Variants in SHISA6 observed in about 807,000 individuals in gnomAD.
SHISA6 encodes shisa family member 6, also known as protein shisa-6.
A neutral mutation model predicts 47.9 loss-of-function variants in SHISA6; 22 were observed. The ratio of observed to expected loss-of-function variants is 0.46; its 90% confidence interval spans 0.33 to 0.66. SHISA6 has a LOEUF of 0.66. Ranked by LOEUF, SHISA6 falls within the 30% of genes least tolerant of loss-of-function variation. SHISA6 has a pLI of 0.02. For synonymous variants in SHISA6, 388 were observed against 337.8 expected, an observed-to-expected ratio of 1.15 and a Z score of -1.63; for missense variants, 680 against 764.6, an observed-to-expected ratio of 0.89 and a Z score of 1.30.
chr17:11,516,573 T>A (rs2071587656), intron 3 of SHISA6, among the ~76,000 whole-genome samples: 1 of 152,158 alleles, frequency 6.6e-6, no homozygotes, highest in Non-Finnish European at 1.5e-5. Flanking sequence ...CATGTTCCAA[T>A]CCCCATGGTG....
chr17:11,382,452 C>A (rs1362648270), intron 3 of SHISA6, among the ~76,000 whole-genome samples: 1 of 152,134 alleles, frequency 6.6e-6, no homozygotes, highest in African/African-American at 2.4e-5. Flanking sequence ...GGCAAGGAAC[C>A]ATCCTCTCTT....
At chr17:11,405,952 G>T (rs1439385614) in intron 3 of SHISA6, among the ~76,000 whole-genome samples, 1 of 152,154 alleles carries the variant, frequency 6.6e-6, no homozygotes, top group Non-Finnish European at 1.5e-5. Flanking sequence ...CCAGGCAGCT[G>T]CACTGCATAT....
At position 11,546,279 on chromosome 17, in the gene SHISA6, C is replaced by T. The variant is rs942761191; in HGVS notation, c.896-5617C>T. Among the ~76,000 whole-genome samples the T allele has an allele frequency of 4.6e-5, 7 of 152,204 alleles. 1 individual carries two copies. The highest frequency in any genetic ancestry group is 3.4e-3 in the Middle Eastern group (1 of 294). On this transcript the variant is annotated intron_variant, in intron 3 of 5. Coordinates refer to ENST00000441885, the MANE Select transcript of SHISA6 (RefSeq NM_207386.4). ...GAATTGACTTAGGTTAAGTCAAGCACTCATACTTGGTCTAGTAGCCCTGAC... is the reference window on the plus strand; with the variant it reads ...GAATTGACTTAGGTTAAGTCAAGCATTCATACTTGGTCTAGTAGCCCTGAC...
intron 2 of SHISA6, among the ~76,000 whole-genome samples, chr17:11,264,049 C>T (rs1245762614): frequency 6.6e-6 from 1 of 152,082 alleles, no homozygotes; most frequent in African/African-American, 2.4e-5. Flanking sequence ...AACAATATGC[C>T]TTTTACTTTT....
intron 3 of SHISA6, among the ~76,000 whole-genome samples, chr17:11,387,504 A>G (rs965684158): frequency 1.7e-4 from 26 of 152,144 alleles, no homozygotes; most frequent in Admixed American, 7.2e-4. Flanking sequence ...GGCACCTGCT[A>G]TATCTGACTC....
chr17:11,481,087 G>A (rs1916200913), intron 3 of SHISA6, among the ~76,000 whole-genome samples: 1 of 151,572 alleles, frequency 6.6e-6, no homozygotes, highest in Non-Finnish European at 1.5e-5. Context: ...GAGACCAGCC[G>A]GGCCAACTCA....
rs115320182 is a variant in SHISA6 at position 11,323,795 on chromosome 17, C to T, written c.800-55619C>T. ...GCCAATGACCCCTTTCCTTCCCTTACGCTCCAGGGGCCTCAGCATGGGTAT... is the reference window on the plus strand; with the variant it reads ...GCCAATGACCCCTTTCCTTCCCTTATGCTCCAGGGGCCTCAGCATGGGTAT... On this transcript the variant is annotated intron_variant, in intron 2 of 5. Transcript: ENST00000441885. Among the ~76,000 whole-genome samples, 582 of 152,126 alleles carry T rather than the reference C, an allele frequency of 3.8e-3. 4 individuals are homozygous for T. Among genetic ancestry groups the T allele is most frequent in the African/African-American group, 6.0e-3 (248 of 41,492 alleles).
At chr17:11,292,907 C>G (rs1444824232) in intron 2 of SHISA6, among the ~76,000 whole-genome samples, 1 of 150,812 alleles carries the variant, frequency 6.6e-6, no homozygotes, top group Middle Eastern at 3.3e-3. Flanking sequence ...TCATTGCAAC[C>G]TCTGCCTCCT....
At chr17:11,366,780 CAAG>C (rs942420411) in intron 2 of SHISA6, among the ~76,000 whole-genome samples, 12 of 152,102 alleles carry the variant, frequency 7.9e-5, no homozygotes, top group African/African-American at 2.9e-4. Context: ...GAAGCAATGA[CAAG>C]AAAGACTGGA....
chr17:11,295,208 C>T (rs1909705406), intron 2 of SHISA6, among the ~76,000 whole-genome samples: 1 of 152,204 alleles, frequency 6.6e-6, no homozygotes. Flanking sequence ...ATTGAAACCG[C>T]AGAAAGCAAA....
intron 3 of SHISA6, among the ~76,000 whole-genome samples, chr17:11,408,241 A>T (rs11656516): frequency 0.39 from 58,207 of 149,736 alleles, 11,416 homozygotes; most frequent in Middle Eastern, 0.46. Flanking sequence ...GAATGTAATT[A>T]AAAAAAAATA....
Position 11,276,307 on chromosome 17 carries a change from C to T in SHISA6, c.799+12781C>T, listed in dbSNP as rs780052348. 5.3e-5 allele frequency among the ~76,000 whole-genome samples: 8 copies of T among 151,926 alleles called. No individual in the cohort carries two copies. In the South Asian group the frequency reaches 6.2e-4, roughly 12 times the overall value. On this transcript the variant is annotated intron_variant, in intron 2 of 5. Coordinates refer to ENST00000441885, the MANE Select transcript of SHISA6 (RefSeq NM_207386.4). ...CTAGATTCTGGAGGGGCAAAGGTGGCGGAGGGGAGGTGGCCTAGGAAGTGG... is the reference window on the plus strand; with the variant it reads ...CTAGATTCTGGAGGGGCAAAGGTGGTGGAGGGGAGGTGGCCTAGGAAGTGG...
At chr17:11,271,632 G>C (rs1260712552) in intron 2 of SHISA6, among the ~76,000 whole-genome samples, 1 of 59,062 alleles carries the variant, frequency 1.7e-5, no homozygotes. Flanking sequence ...TTTTTTTTTT[G>C]TATTTTTAGC....
intron 3 of SHISA6, among the ~76,000 whole-genome samples, chr17:11,461,396 CAAAAAAAAAAAAA>C (rs778616587): frequency 1.3e-5 from 1 of 76,644 alleles, no homozygotes; most frequent in African/African-American, 5.1e-5. Context: ...GACTCCATCT[CAAAAAAAAAAAAA>C]AAAAAAAAAA....
At chr17:11,477,084 A>T (rs996098331) in intron 3 of SHISA6, among the ~76,000 whole-genome samples, 12 of 152,172 alleles carry the variant, frequency 7.9e-5, no homozygotes, top group African/African-American at 2.9e-4. Context: ...AGCTACTCTC[A>T]TGTTCTTTTC....
intron 3 of SHISA6, among the ~76,000 whole-genome samples, chr17:11,406,552 T>C (rs192346024): frequency 6.6e-6 from 1 of 152,222 alleles, no homozygotes; most frequent in Admixed American, 6.5e-5. Flanking sequence ...ACTATAATCC[T>C]TAGCACGTTG....
chr17:11,549,000 G>A (rs2071906670), intron 3 of SHISA6, among the ~76,000 whole-genome samples: 1 of 152,088 alleles, frequency 6.6e-6, no homozygotes, highest in Non-Finnish European at 1.5e-5. Flanking sequence ...CATTTAGGTG[G>A]TTTCATCGCT....
At chr17:11,313,781 G>C (rs1597453308) in intron 2 of SHISA6, among the ~76,000 whole-genome samples, 2 of 152,116 alleles carry the variant, frequency 1.3e-5, no homozygotes, top group Admixed American at 1.3e-4. Context: ...AACTCAGGGA[G>C]ATTAGGGAAG....
intron 3 of SHISA6, among the ~76,000 whole-genome samples, chr17:11,476,521 ATTTG>A (rs1187727550): frequency 1.3e-5 from 2 of 151,680 alleles, no homozygotes; most frequent in African/African-American, 2.4e-5. Context: ...TTCTCTTGAG[ATTTG>A]TTTGACTCCT....
Sources: allele counts gnomAD v4.1 joint callset (sites outside exome capture counted in the v4.1 genomes callset), GRCh38; gene constraint gnomAD v4.1.1; transcripts MANE v1.5; gene names NCBI Gene and HGNC (gene_info 2026-07-23, HGNC 2026-07-21).